The following NLRC4 variants were observed in gnomAD, a reference collection of about 807,000 sequenced individuals.
NLRC4 encodes NLR family CARD domain-containing protein 4.
Under a neutral mutation model 79.9 loss-of-function variants are expected in NLRC4, and 63 were observed. That is an observed-to-expected ratio of 0.79 (90% confidence interval 0.64 to 0.97). The LOEUF (loss-of-function observed/expected upper bound fraction) is 0.97. NLRC4 is among the 50% of genes least tolerant of loss of function. The pLI is 0.00. For synonymous variants in NLRC4, 461 were observed against 456.5 expected, an observed-to-expected ratio of 1.01 and a Z score of -0.12; for missense variants, 1,074 against 1,215.2, an observed-to-expected ratio of 0.88 and a Z score of 1.73.
At position 32,239,702 on chromosome 2, in the gene NLRC4, T is replaced by C. The variant is rs141378891; in HGVS notation, c.2350+1331A>G. 7.9e-3 allele frequency among the ~76,000 whole-genome samples: 1,198 copies of C among 152,340 alleles called. 18 individuals carry two copies. The highest frequency in any genetic ancestry group is 0.012 in the Non-Finnish European group (804 of 68,026). ...TTAGACTGGTTTAGTCAAGTTCACA[T>C]TTTGATTCCTTAATAGCAGAAGCAG... On this transcript the variant is annotated intron_variant, in intron 5 of 8. Transcript: ENST00000402280.
At chr2:32,245,019 G>A (rs2148938811) in intron 4 of NLRC4, among the ~76,000 whole-genome samples, 1 of 152,058 alleles carries the variant, frequency 6.6e-6, no homozygotes, top group South Asian at 2.1e-4. Flanking sequence ...TGTAGAAAAT[G>A]GGATTATAGA....
chr2:32,252,432 G>T lies in NLRC4; in HGVS notation c.249C>A (p.Asp83Glu). The stretch of plus-strand genomic sequence containing the variant: ...ACTGATACTTACTTTGTCCATTCAA[G>T]TCCTGAAATAGAGGATAGTTCCACT... ...LKEWNYPLFQ[D>E]LNGQSLFHQT... The change falls in exon 3 of 9, where the codon GAC (aspartate) becomes GAA (glutamate). Residue 83 changes from aspartate to glutamate, a missense_variant. By Grantham distance (45) the Asp-to-Glu change is conservative. Coordinates refer to ENST00000402280, the MANE Select transcript of NLRC4 (RefSeq NM_001199138.2). The T allele has an allele frequency of 6.2e-7, 1 of 1,608,172 alleles. No homozygotes were observed. The highest frequency in any genetic ancestry group is 8.5e-7 in the Non-Finnish European group (1 of 1,174,630).
chr2:32,265,327 T>A (rs1484815727), upstream of NLRC4, among the ~76,000 whole-genome samples: 2 of 152,038 alleles, frequency 1.3e-5, no homozygotes, highest in Admixed American at 6.6e-5. Flanking sequence ...ACTACAGGCG[T>A]GCACCACCAT....
At chr2:32,259,290 T>TTTTTTTG (rs1687283988) in intron 1 of NLRC4, among the ~76,000 whole-genome samples, 1 of 131,034 alleles carries the variant, frequency 7.6e-6, no homozygotes, top group Non-Finnish European at 1.6e-5. Context: ...TTTTTTTTTT[T>TTTTTTTG]AGAGACAGAG....
At chr2:32,232,604 T>G (rs12105348) in intron 8 of NLRC4, among the ~76,000 whole-genome samples, 1,566 of 152,316 alleles carry the variant, frequency 0.01, 20 homozygotes, top group Middle Eastern at 0.054. Context: ...TCACTCAAAG[T>G]CATTGCCTGA....
chr2:32,247,230 T>A (rs1686957290), intron 4 of NLRC4, among the ~76,000 whole-genome samples: 1 of 152,132 alleles, frequency 6.6e-6, no homozygotes, highest in Non-Finnish European at 1.5e-5. Context: ...AGGGAAGGAC[T>A]GGGTATTGGG....
intron 1 of NLRC4, among the ~76,000 whole-genome samples, chr2:32,263,040 C>T: frequency 6.6e-6 from 1 of 152,136 alleles, no homozygotes; most frequent in Middle Eastern, 3.4e-3. Flanking sequence ...AGTACTAATT[C>T]TAAAATTGGC....
intron 8 of NLRC4, among the ~76,000 whole-genome samples, chr2:32,230,107 G>T (rs905402488): frequency 6.6e-6 from 1 of 152,134 alleles, no homozygotes; most frequent in African/African-American, 2.4e-5. Flanking sequence ...GTGAGGGTGA[G>T]GCTGGCATCT....
chr2:32,253,670 A>G (rs963803091), intron 2 of NLRC4, among the ~76,000 whole-genome samples: 1 of 151,630 alleles, frequency 6.6e-6, no homozygotes, highest in African/African-American at 2.4e-5. Context: ...GTCTATTTCA[A>G]TTACGTGCTG....
At chr2:32,228,192 T>G (rs1261415553) in intron 8 of NLRC4, among the ~76,000 whole-genome samples, 1 of 152,146 alleles carries the variant, frequency 6.6e-6, no homozygotes, top group Non-Finnish European at 1.5e-5. Flanking sequence ...GTGGGTGCTA[T>G]GGTAGGTCAG....
intron 1 of NLRC4, among the ~76,000 whole-genome samples, chr2:32,264,286 A>G (rs1573510261): frequency 6.6e-6 from 1 of 151,878 alleles, no homozygotes; most frequent in South Asian, 2.1e-4. Flanking sequence ...TACAAAAATT[A>G]GCTGGGGCGC....
intron 1 of NLRC4, among the ~76,000 whole-genome samples, chr2:32,262,542 A>G (rs1341844548): frequency 3.3e-5 from 5 of 152,064 alleles, no homozygotes; most frequent in Admixed American, 2.0e-4. Context: ...GGGGAGACTG[A>G]GGAGGGTGGA....
chr2:32,244,683 A>G (rs1686888370), intron 4 of NLRC4, among the ~76,000 whole-genome samples: 1 of 152,162 alleles, frequency 6.6e-6, no homozygotes, highest in Admixed American at 6.5e-5. Flanking sequence ...CACAAAAAAA[A>G]CCCTTCTAAA....
At chr2:32,238,943 T>C (rs932091216) in intron 5 of NLRC4, among the ~76,000 whole-genome samples, 11 of 152,316 alleles carry the variant, frequency 7.2e-5, no homozygotes, top group African/African-American at 2.4e-4. Context: ...GTCATTAAAA[T>C]ACTGTCTTAT....
chr2:32,235,296 A>G lies in NLRC4; in HGVS notation c.2782+105T>C. The G allele has an allele frequency of 3.7e-6, 3 of 800,362 alleles. No homozygotes were observed. In the Admixed American group the frequency reaches 6.6e-5, roughly 18 times the overall value. 49.6% of individuals were successfully genotyped at this position (800,362 alleles called of 1,614,324 possible). A position where few individuals can be genotyped will look rare whatever the true frequency, so the allele number is the denominator to read the frequency against. ...CATTAGACATATTTATATTTTAAAAAAAAGAGGAAGCAAAATAAAATAAGG... is the reference window on the plus strand; with the variant it reads ...CATTAGACATATTTATATTTTAAAAGAAAGAGGAAGCAAAATAAAATAAGG... On this transcript the variant is annotated intron_variant, in intron 8 of 8. Coordinates refer to ENST00000402280, the MANE Select transcript of NLRC4 (RefSeq NM_001199138.2).
At chr2:32,262,779 CAA>C (rs911197930) in intron 1 of NLRC4, among the ~76,000 whole-genome samples, 3 of 132,656 alleles carry the variant, frequency 2.3e-5, no homozygotes, top group Non-Finnish European at 3.3e-5. Flanking sequence ...CTGTCTCAGA[CAA>C]AAAAAAAAAA....
chr2:32,260,043 A>C (rs1479146956), intron 1 of NLRC4, among the ~76,000 whole-genome samples: 1 of 152,104 alleles, frequency 6.6e-6, no homozygotes, highest in Non-Finnish European at 1.5e-5. Context: ...AGCCTGGCCA[A>C]CATGGCGAAA....
chr2:32,262,089 A>T (rs1017090427), intron 1 of NLRC4, among the ~76,000 whole-genome samples: 2 of 152,116 alleles, frequency 1.3e-5, no homozygotes, highest in African/African-American at 2.4e-5. Context: ...CAAAAAAAAG[A>T]AAAAAAGAAA....
At chr2:32,249,211 G>A (rs771675013) in intron 4 of NLRC4, among the ~76,000 whole-genome samples, 73 of 152,194 alleles carry the variant, frequency 4.8e-4, no homozygotes, top group Non-Finnish European at 8.5e-4. Context: ...ATTCAAAGCC[G>A]TCTTGGGCTA....
Sources: allele counts gnomAD v4.1 joint callset (sites outside exome capture counted in the v4.1 genomes callset), GRCh38; gene constraint gnomAD v4.1.1; transcripts MANE v1.5; gene names NCBI Gene and HGNC (gene_info 2026-07-23, HGNC 2026-07-21).